LRMDA: variants seen among roughly 807,000 people sequenced by gnomAD.
LRMDA encodes leucine rich melanocyte differentiation associated.
A neutral mutation model predicts 29.8 loss-of-function variants in LRMDA; 18 were observed. The ratio of observed to expected loss-of-function variants is 0.60; its 90% confidence interval spans 0.42 to 0.90. LRMDA has a LOEUF of 0.90. LRMDA is among the 40% of genes least tolerant of loss of function. The pLI is 0.00. For synonymous variants in LRMDA, 125 were observed against 109.4 expected (o/e 1.14, Z -0.89); for missense variants, 273 against 273.9 (o/e 1.00, Z 0.02).
At chr10:75,892,217 G>T (rs1035109653) in intron 2 of LRMDA, among the ~76,000 whole-genome samples, 2 of 152,100 alleles carry the variant, frequency 1.3e-5, no homozygotes, top group Non-Finnish European at 1.5e-5. Flanking sequence ...TTCATCAATT[G>T]CAGCAAAAGG....
At chr10:75,854,077 G>T (rs1321841351) in intron 2 of LRMDA, among the ~76,000 whole-genome samples, 1 of 152,104 alleles carries the variant, frequency 6.6e-6, no homozygotes, top group Non-Finnish European at 1.5e-5. Flanking sequence ...TTAGAGTTGT[G>T]GTTATGTAAT....
chr10:75,730,619 A>G (rs1842685068), intron 2 of LRMDA, among the ~76,000 whole-genome samples: 1 of 152,044 alleles, frequency 6.6e-6, no homozygotes, highest in African/African-American at 2.4e-5. Context: ...TCCATCATTG[A>G]AGGAAATTAA....
chr10:75,446,042 C>G (rs1452791149), intron 2 of LRMDA, among the ~76,000 whole-genome samples: 1 of 152,206 alleles, frequency 6.6e-6, no homozygotes, highest in South Asian at 2.1e-4. Context: ...CCCTTTCTCC[C>G]CTGCTGCAGG....
At chr10:76,053,823 G>A (rs1377193297) in intron 4 of LRMDA, among the ~76,000 whole-genome samples, 1 of 152,160 alleles carries the variant, frequency 6.6e-6, no homozygotes, top group African/African-American at 2.4e-5. Flanking sequence ...TATTCCTCAT[G>A]GTGTTATTTT....
intron 6 of LRMDA, among the ~76,000 whole-genome samples, chr10:76,374,891 C>T (rs1841497675): frequency 6.6e-6 from 1 of 152,032 alleles, no homozygotes; most frequent in African/African-American, 2.4e-5. Context: ...AATGGAGATT[C>T]AGAATGTCTT....
intron 2 of LRMDA, among the ~76,000 whole-genome samples, chr10:75,928,466 C>T (rs1846156946): frequency 6.6e-6 from 1 of 152,054 alleles, no homozygotes; most frequent in Admixed American, 6.6e-5. Flanking sequence ...ATTTGGCAAC[C>T]ACGCTTCTTC....
chr10:75,970,035 C>T (rs1846937776), intron 2 of LRMDA, among the ~76,000 whole-genome samples: 1 of 152,188 alleles, frequency 6.6e-6, no homozygotes, highest in South Asian at 2.1e-4. Context: ...GATCATGTGG[C>T]TGGTTTGACC....
chr10:75,518,691 C>T (rs955966378), intron 2 of LRMDA, among the ~76,000 whole-genome samples: 1 of 152,080 alleles, frequency 6.6e-6, no homozygotes, highest in Admixed American at 6.5e-5. Flanking sequence ...TTTTTTGTGT[C>T]TCTATCTCCT....
intron 5 of LRMDA, among the ~76,000 whole-genome samples, chr10:76,283,056 C>T (rs1156806185): frequency 6.6e-6 from 1 of 152,160 alleles, no homozygotes; most frequent in Non-Finnish European, 1.5e-5. Flanking sequence ...GAGATGAGGA[C>T]TAAATTCACT....
At chr10:76,172,899 A>G (rs1313604901) in intron 5 of LRMDA, among the ~76,000 whole-genome samples, 1 of 152,242 alleles carries the variant, frequency 6.6e-6, no homozygotes, top group African/African-American at 2.4e-5. Flanking sequence ...TCTGGCATCA[A>G]AGAAACATGA....
intron 2 of LRMDA, among the ~76,000 whole-genome samples, chr10:75,657,154 GC>G (rs1841687316): frequency 6.6e-6 from 1 of 152,186 alleles, no homozygotes; most frequent in South Asian, 2.1e-4. Flanking sequence ...GGTATTTGAA[GC>G]CTCAAGGAGT....
intron 5 of LRMDA, among the ~76,000 whole-genome samples, chr10:76,143,566 G>T (rs1253871357): frequency 6.6e-6 from 1 of 151,702 alleles, no homozygotes; most frequent in Non-Finnish European, 1.5e-5. Context: ...AAATTTGTTT[G>T]AGTTCATTGT....
intron 2 of LRMDA, among the ~76,000 whole-genome samples, chr10:75,968,991 A>T (rs57913008): frequency 0.037 from 2,751 of 73,452 alleles, 95 homozygotes; most frequent in African/African-American, 0.081. Context: ...TTAAACAATT[A>T]AAAAAAACCC....
chr10:76,330,620 A>T (rs557835785), intron 6 of LRMDA, among the ~76,000 whole-genome samples: 1 of 152,240 alleles, frequency 6.6e-6, no homozygotes, highest in East Asian at 1.9e-4. Context: ...AGACAGAGGG[A>T]TGAGGGAGCA....
At chr10:75,666,031 C>A (rs1437885313) in intron 2 of LRMDA, among the ~76,000 whole-genome samples, 1 of 152,056 alleles carries the variant, frequency 6.6e-6, no homozygotes, top group Admixed American at 6.6e-5. Context: ...TCAGTAAAAT[C>A]TTTTCATGTA....
At chr10:75,814,371 C>T (rs749605540) in intron 2 of LRMDA, among the ~76,000 whole-genome samples, 4 of 152,158 alleles carry the variant, frequency 2.6e-5, no homozygotes, top group Non-Finnish European at 5.9e-5. Context: ...CTTATGCTGT[C>T]TGAATGTTCC....
intron 5 of LRMDA, among the ~76,000 whole-genome samples, chr10:76,235,746 G>T (rs572240451): frequency 3.9e-5 from 6 of 152,270 alleles, no homozygotes; most frequent in African/African-American, 1.4e-4. Flanking sequence ...TTGGGAAGAT[G>T]GGGTTAGAAA....
intron 6 of LRMDA, among the ~76,000 whole-genome samples, chr10:76,554,568 C>G (rs1170567531): frequency 6.6e-6 from 1 of 152,226 alleles, no homozygotes; most frequent in Non-Finnish European, 1.5e-5. Flanking sequence ...CATCAAACAG[C>G]CTTCTCTCAC....
At chr10:75,555,767 G>A (rs930562451) in intron 2 of LRMDA, among the ~76,000 whole-genome samples, 1 of 152,186 alleles carries the variant, frequency 6.6e-6, no homozygotes. Context: ...ATACCTGGAT[G>A]ATGGAATAGC....
Sources: gnomAD v4.1 joint callset for allele counts (sites outside exome capture counted in the v4.1 genomes callset) on GRCh38, gnomAD v4.1.1 for gene constraint, MANE v1.5 for transcripts, NCBI Gene and HGNC (gene_info 2026-07-23, HGNC 2026-07-21) for gene names.